Variants in NWD1 observed in about 807,000 individuals in gnomAD.
NWD1 encodes the protein NACHT domain- and WD repeat-containing protein 1.
Under a neutral mutation model 135.1 loss-of-function variants are expected in NWD1, and 129 were observed. The observed-to-expected ratio is 0.96, with a 90% CI of 0.83 to 1.11. The LOEUF is 1.11. NWD1 is among the 50% of genes least tolerant of loss of function. The pLI is 0.00. For missense variants in NWD1, 1,740 were observed against 1,851.3 expected, an observed-to-expected ratio of 0.94 and a Z score of 1.10; for synonymous variants, 773 against 786.0, an observed-to-expected ratio of 0.98 and a Z score of 0.28.
At chr19:16,774,302 A>G (rs1013386581) in intron 11 of NWD1, among the ~76,000 whole-genome samples, 1 of 147,420 alleles carries the variant, frequency 6.8e-6, no homozygotes, top group Admixed American at 6.7e-5. Context: ...TTATCCATCA[A>G]TTCATCTATC....
At chr19:16,757,145 C>T (rs1192791499) in intron 6 of NWD1, among the ~76,000 whole-genome samples, 1 of 152,104 alleles carries the variant, frequency 6.6e-6, no homozygotes, top group African/African-American at 2.4e-5. Context: ...ACTTGATCAT[C>T]CCAAAACCAT....
intron 2 of NWD1, among the ~76,000 whole-genome samples, chr19:16,726,687 C>T (rs546678101): frequency 6.6e-6 from 1 of 152,164 alleles, no homozygotes; most frequent in Non-Finnish European, 1.5e-5. Context: ...GATCCACCCA[C>T]CTCGGCCTCC....
intron 18 of NWD1, among the ~76,000 whole-genome samples, chr19:16,811,847 C>A (rs1970935592): frequency 6.6e-6 from 1 of 151,796 alleles, no homozygotes; most frequent in African/African-American, 2.4e-5. Context: ...GAAACCCCTT[C>A]TCTACTAAAA....
chr19:16,789,296 G>C (rs1396864921), intron 13 of NWD1, 106 bp downstream of exon 13: 1 of 862,312 alleles, frequency 1.2e-6, no homozygotes, highest in Non-Finnish European at 1.9e-6. Context: ...TGATGGGGTG[G>C]GGGTGTAAAT....
chr19:16,791,619 T>G lies in NWD1; in HGVS notation c.3210T>G (p.Ser1070=). 6.2e-7 allele frequency: 1 copy of G among 1,613,980 alleles called. No homozygotes were observed. Among genetic ancestry groups the G allele is most frequent in the Non-Finnish European group, 8.5e-7 (1 of 1,179,928 alleles). The change falls in exon 14 of 19, where the codon TCT becomes TCG. Residue 1070 remains serine (S), a synonymous_variant. Coordinates refer to ENST00000524140, the MANE Select transcript of NWD1 (RefSeq NM_001007525.5). ...LVTGFSNGSI[S]LVSSKGDRLL... The stretch of plus-strand genomic sequence containing the variant: ...CCGGGTTTAGCAATGGCTCCATCTC[T>G]TTGGTAAGCACCTTTACTGACTATG...
intron 2 of NWD1, among the ~76,000 whole-genome samples, chr19:16,729,689 T>C (rs1010451744): frequency 6.7e-6 from 1 of 150,160 alleles, no homozygotes; most frequent in African/African-American, 2.5e-5. Context: ...GCCAACATGG[T>C]GAAACCCCGT....
intron 4 of NWD1, among the ~76,000 whole-genome samples, chr19:16,743,009 T>C (rs1299587657): frequency 6.6e-6 from 1 of 150,888 alleles, no homozygotes; most frequent in African/African-American, 2.4e-5. Flanking sequence ...GCCTCCCGGC[T>C]TCAAGCAAGT....
chr19:16,781,363 C>T lies in NWD1; in HGVS notation c.2731+1898C>T, dbSNP rs189440871. Among the ~76,000 whole-genome samples the T allele has an allele frequency of 5.0e-3, 768 of 152,162 alleles. 5 individuals are homozygous for T. Among genetic ancestry groups the T allele is most frequent in the Non-Finnish European group, 7.7e-3 (526 of 68,008 alleles). On this transcript the variant is annotated intron_variant, in intron 12 of 18. Transcript: ENST00000524140. ...CAGTTGGCTGGGCGTGGTGGCTTAT[C>T]CCAGCACTTTAGGAGGCTGAGGCAG...
Position 16,731,246 on chromosome 19 carries a change from A to G in NWD1, c.49A>G (p.Thr17Ala). The G allele has an allele frequency of 6.5e-7, 1 of 1,534,274 alleles. No individual in the cohort carries two copies. The highest frequency in any genetic ancestry group is 8.7e-7 in the Non-Finnish European group (1 of 1,145,204). Residue 17 changes from threonine (T) to alanine (A), a missense_variant, in exon 3 of 19, where the codon ACC (threonine) becomes GCC (alanine). Physicochemically the swap from Thr to Ala is moderately conservative, Grantham distance 58. Transcript: ENST00000524140. ...AGCACTGCCTACCCTGAAGTGCCAG[A>G]CCTTCTGCCAGAGGCACGGCTTGAT... is the stretch of plus-strand genomic sequence containing the variant. ...CRALPTLKCQTFCQRHGLMFE... is the reference protein window; with the variant it reads ...CRALPTLKCQAFCQRHGLMFE...
rs1971031144 is a variant in NWD1, at chr19:16,815,140, G to A, written c.*101G>A. The stretch of plus-strand genomic sequence containing the variant: ...GTTATCTGATCCGAGAGAATTTCCA[G>A]TGCCTTTCAGCAAAAGCCTCACCGC... On this transcript the variant is annotated 3_prime_UTR_variant, in exon 19 of 19. Coordinates refer to ENST00000524140, the MANE Select transcript of NWD1 (RefSeq NM_001007525.5). The A allele has an allele frequency of 8.1e-7, 1 of 1,237,222 alleles. No individual in the cohort carries two copies. The highest frequency in any genetic ancestry group is 1.2e-6 in the Non-Finnish European group (1 of 835,640). 76.6% of individuals were successfully genotyped at this position (1,237,222 alleles called of 1,614,324 possible).
intron 10 of NWD1, among the ~76,000 whole-genome samples, chr19:16,770,567 C>T (rs1030792290): frequency 7.2e-5 from 11 of 152,202 alleles, no homozygotes; most frequent in Non-Finnish European, 7.4e-5. Context: ...GAAATCTTGG[C>T]GCTGCCACTT....
intron 12 of NWD1, among the ~76,000 whole-genome samples, chr19:16,785,724 A>C (rs2123026106): frequency 6.7e-6 from 1 of 148,982 alleles, no homozygotes; most frequent in Non-Finnish European, 1.5e-5. Flanking sequence ...TGTGAATAAA[A>C]CATAAATATA....
At chr19:16,754,976 T>C (rs1599472233) in intron 6 of NWD1, among the ~76,000 whole-genome samples, 1 of 152,326 alleles carries the variant, frequency 6.6e-6, no homozygotes, top group African/African-American at 2.4e-5. Flanking sequence ...TCTCAATCTA[T>C]CTCTATCACT....
intron 10 of NWD1, among the ~76,000 whole-genome samples, chr19:16,769,596 G>T (rs375706116): frequency 6.6e-6 from 1 of 152,224 alleles, no homozygotes; most frequent in South Asian, 2.1e-4. Flanking sequence ...CCTGGGAGAT[G>T]CTTGTCTCCA....
intron 7 of NWD1, 31 bp downstream of exon 7, chr19:16,759,459 G>C: frequency 1.3e-6 from 2 of 1,496,398 alleles, no homozygotes; most frequent in Non-Finnish European, 9.0e-7. Flanking sequence ...CAGCGACACT[G>C]TCTGGGTGGG....
At chr19:16,735,362 C>T (rs1000242811) in intron 3 of NWD1, among the ~76,000 whole-genome samples, 8 of 151,038 alleles carry the variant, frequency 5.3e-5, no homozygotes, top group African/African-American at 2.0e-4. Flanking sequence ...AAAAATTAGC[C>T]AGGCGTGGTG....
chr19:16,758,623 G>C (rs556333393), intron 6 of NWD1, among the ~76,000 whole-genome samples: 84 of 152,208 alleles, frequency 5.5e-4, no homozygotes, highest in Admixed American at 1.3e-3. Flanking sequence ...AGGGTGGAGT[G>C]GGGTAGGTGC....
chr19:16,813,326 G>T (rs1332251449), intron 18 of NWD1, among the ~76,000 whole-genome samples: 5 of 152,112 alleles, frequency 3.3e-5, no homozygotes, highest in Non-Finnish European at 7.3e-5. Context: ...GTTTGTGAAG[G>T]TTCCTTCATC....
intron 2 of NWD1, among the ~76,000 whole-genome samples, chr19:16,726,852 G>A (rs554233850): frequency 2.3e-4 from 35 of 152,320 alleles, no homozygotes; most frequent in Non-Finnish European, 4.3e-4. Context: ...CTCCACCCAC[G>A]TGATGCCAGT....
Sources: gnomAD v4.1 joint callset for allele counts (sites outside exome capture counted in the v4.1 genomes callset) on GRCh38, gnomAD v4.1.1 for gene constraint, MANE v1.5 for transcripts, NCBI Gene and HGNC (gene_info 2026-07-23, HGNC 2026-07-21) for gene names.